CDYL2: variants seen among roughly 807,000 people sequenced by gnomAD.
The protein encoded by CDYL2 is chromodomain Y like 2, also known as chromodomain Y-like protein 2.
A neutral mutation model predicts 49.4 loss-of-function variants in CDYL2; 23 were observed. The observed-to-expected ratio is 0.47, with a 90% confidence interval of 0.34 to 0.66. CDYL2 has a LOEUF of 0.66. CDYL2 is among the 30% of genes least tolerant of loss of function. CDYL2 has a pLI of 0.01. For missense variants in CDYL2, 678 were observed against 656.4 expected (o/e 1.03, Z -0.36); for synonymous variants, 360 against 268.8 (o/e 1.34, Z -3.32).
At chr16:80,738,544 A>C (rs973237085) in intron 1 of CDYL2, 3 of 152,284 alleles carry the variant, frequency 2.0e-5, no homozygotes, top group African/African-American at 7.2e-5. Context: ...TATTCATATG[A>C]AATTCCAGAA....
chr16:80,615,063 C>G (rs763012647), intron 4 of CDYL2, among the ~76,000 whole-genome samples: 3 of 152,016 alleles, frequency 2.0e-5, no homozygotes, highest in African/African-American at 7.2e-5. Context: ...CATAAAAGTA[C>G]GTGCCTCTGA....
chr16:80,627,111 T>C (rs759868178), intron 3 of CDYL2, among the ~76,000 whole-genome samples: 1 of 152,230 alleles, frequency 6.6e-6, no homozygotes, highest in Non-Finnish European at 1.5e-5. Context: ...TCTCCAGCCC[T>C]GTGCCCTGCT....
chr16:80,717,683 A>T (rs909396926), intron 1 of CDYL2, among the ~76,000 whole-genome samples: 1 of 152,230 alleles, frequency 6.6e-6, no homozygotes, highest in Non-Finnish European at 1.5e-5. Flanking sequence ...GGAGCAGTGA[A>T]GTGGACAGAC....
chr16:80,651,244 C>T (rs1439257173), intron 2 of CDYL2, among the ~76,000 whole-genome samples: 3 of 151,888 alleles, frequency 2.0e-5, no homozygotes, highest in Admixed American at 6.6e-5. Context: ...TACTATGTAA[C>T]CACAAAAATT....
chr16:80,803,780 T>A (rs1234795240), intron 1 of CDYL2, among the ~76,000 whole-genome samples: 1 of 140,550 alleles, frequency 7.1e-6, no homozygotes, highest in Non-Finnish European at 1.6e-5. Context: ...CTTTTACCTG[T>A]ACTTTCTGTA....
chr16:80,692,601 C>T (rs149527387), intron 1 of CDYL2, among the ~76,000 whole-genome samples: 1 of 152,256 alleles, frequency 6.6e-6, no homozygotes, highest in African/African-American at 2.4e-5. Context: ...GGAGTTGAGG[C>T]TTAAGTAATC....
chr16:80,755,606 G>C (rs990123838), intron 1 of CDYL2, among the ~76,000 whole-genome samples: 5 of 152,172 alleles, frequency 3.3e-5, no homozygotes, highest in African/African-American at 1.2e-4. Flanking sequence ...AAACATTTGA[G>C]ATACTTATCC....
At chr16:80,759,150 A>T (rs9319554) in intron 1 of CDYL2, among the ~76,000 whole-genome samples, 8,963 of 76,240 alleles carry the variant, frequency 0.12, 927 homozygotes, top group African/African-American at 0.31. Flanking sequence ...GGTTTATATA[A>T]ATATATGGTT....
At position 80,612,768 on chromosome 16, in the gene CDYL2, C is replaced by T. The variant is rs748022554; in HGVS notation, c.1076G>A (p.Gly359Asp). Reference protein sequence around the residue: ...IVVAINGPALGLGASILPLCD... With the variant: ...IVVAINGPALDLGASILPLCD... Reference sequence around the variant, plus strand: ...GAGGGGCAGGATGGAGGCACCCAGGCCCAGGGCCGGCCCATTGATGGCCAC... The same window carrying T: ...GAGGGGCAGGATGGAGGCACCCAGGTCCAGGGCCGGCCCATTGATGGCCAC... The change falls in exon 5 of 7, where the codon GGC (glycine) becomes GAC (aspartate). Residue 359 changes from glycine (G) to aspartate (D), a missense_variant. By Grantham distance (94) the Gly-to-Asp change is moderately conservative. Around this residue, in one of 3 missense-constraint regions of CDYL2, gnomAD observed 47 missense variants for 78.8 expected, o/e 0.60. Coordinates refer to ENST00000570137, the MANE Select transcript of CDYL2 (RefSeq NM_152342.4). This position sits in a 1 kb window ranked among gnomAD's most constrained non-coding sequence, Gnocchi z 5.0. 6.2e-7 allele frequency: 1 copy of T among 1,613,832 alleles called. No individual in the cohort carries two copies. Among genetic ancestry groups the T allele is most frequent in the East Asian group, 2.2e-5 (1 of 44,870 alleles).
intron 1 of CDYL2, among the ~76,000 whole-genome samples, chr16:80,742,501 G>C (rs1182807020): frequency 7.0e-6 from 1 of 143,122 alleles, no homozygotes; most frequent in Non-Finnish European, 1.5e-5. Context: ...TGGATGAATA[G>C]ATGGATACAC....
At chr16:80,713,682 A>T (rs1345216879) in intron 1 of CDYL2, among the ~76,000 whole-genome samples, 3 of 152,130 alleles carry the variant, frequency 2.0e-5, no homozygotes, top group African/African-American at 7.2e-5. Context: ...GGTAGGGTCT[A>T]TGCCCCCTCC....
intron 1 of CDYL2, among the ~76,000 whole-genome samples, chr16:80,694,068 A>G (rs1910524754): frequency 6.6e-6 from 1 of 152,250 alleles, no homozygotes; most frequent in African/African-American, 2.4e-5. Context: ...GACCAGTCTC[A>G]TGGAAGACAA....
intron 1 of CDYL2, among the ~76,000 whole-genome samples, chr16:80,724,091 G>T (rs1905087834): frequency 6.8e-6 from 1 of 146,548 alleles, no homozygotes; most frequent in African/African-American, 2.5e-5. Flanking sequence ...AAAGAGGAGA[G>T]GAAGGAAAAA....
intron 4 of CDYL2, among the ~76,000 whole-genome samples, chr16:80,614,049 G>T (rs1597123802): frequency 6.6e-6 from 1 of 152,148 alleles, no homozygotes; most frequent in Non-Finnish European, 1.5e-5. Context: ...TTCCCCTTTA[G>T]CTCCTTAAGG....
chr16:80,676,963 A>AT (rs35188796), intron 2 of CDYL2, among the ~76,000 whole-genome samples: 4,868 of 59,946 alleles, frequency 0.081, 404 homozygotes, highest in African/African-American at 0.17. Flanking sequence ...AATTCAATGT[A>AT]TTTTTTTTTT....
intron 1 of CDYL2, among the ~76,000 whole-genome samples, chr16:80,748,253 G>T (rs547015759): frequency 6.8e-6 from 1 of 147,696 alleles, no homozygotes; most frequent in African/African-American, 2.5e-5. Flanking sequence ...TGGACCGGGC[G>T]CGCTGGCTCA....
At chr16:80,754,532 C>T (rs1906243663) in intron 1 of CDYL2, among the ~76,000 whole-genome samples, 1 of 152,178 alleles carries the variant, frequency 6.6e-6, no homozygotes, top group South Asian at 2.1e-4. Context: ...ACTGTGGCCT[C>T]ACGTGGTCAA....
intron 2 of CDYL2, among the ~76,000 whole-genome samples, chr16:80,646,790 A>T (rs1908366840): frequency 6.6e-6 from 1 of 152,102 alleles, no homozygotes; most frequent in Admixed American, 6.5e-5. Context: ...TCTGTCTCAA[A>T]ACAAACAAAC....
At position 80,612,749 on chromosome 16, in the gene CDYL2, C is replaced by A; in HGVS notation, c.1095G>T (p.Leu365=). 6.2e-7 allele frequency: 1 copy of A among 1,613,750 alleles called. No homozygotes were observed. The highest frequency in any genetic ancestry group is 8.5e-7 in the Non-Finnish European group (1 of 1,179,990). The part of the protein sequence containing the change: ...GPALGLGASI[L]PLCDIVWASE... ...TGGCCCACACGATGTCACAGAGGGGCAGGATGGAGGCACCCAGGCCCAGGG... is the reference window on the plus strand; with the variant it reads ...TGGCCCACACGATGTCACAGAGGGGAAGGATGGAGGCACCCAGGCCCAGGG... Residue 365 remains leucine (L), a synonymous_variant, in exon 5 of 7, where the codon CTG becomes CTT. Coordinates refer to ENST00000570137, the MANE Select transcript of CDYL2 (RefSeq NM_152342.4). This position sits in a 1 kb window ranked among gnomAD's most constrained non-coding sequence, Gnocchi z 5.0.
Sources: gnomAD v4.1 joint callset for allele counts (sites outside exome capture counted in the v4.1 genomes callset) on GRCh38, gnomAD v4.1.1 for gene constraint, gnomAD v4.1.1 regional missense constraint, Gnocchi (gnomAD v3.1) non-coding constraint, MANE v1.5 for transcripts, NCBI Gene and HGNC (gene_info 2026-07-23, HGNC 2026-07-21) for gene names.